The following TMC1 variants were observed in gnomAD, a reference collection of about 807,000 sequenced individuals.
TMC1 encodes the protein transmembrane channel like 1.
TMC1 carries 84 observed loss-of-function variants against 105.8 expected under a neutral mutation model. That is an observed-to-expected ratio of 0.79 (90% CI 0.67 to 0.95). TMC1 has a LOEUF of 0.95. Ranked by LOEUF, TMC1 falls within the 40% of genes least tolerant of loss-of-function variation. The probability of loss-of-function intolerance (pLI) is 0.00; values close to 1 mark genes in which losing one functional copy is unlikely to be tolerated. For synonymous variants in TMC1, 315 were observed against 311.5 expected (o/e 1.01, Z -0.12); for missense variants, 817 against 914.1 (o/e 0.89, Z 1.37).
At chr9:72,832,472 A>G (rs1829056562) in intron 23 of TMC1, among the ~76,000 whole-genome samples, 1 of 152,136 alleles carries the variant, frequency 6.6e-6, no homozygotes. Context: ...TCATGTATCC[A>G]TCCTTGTGCC....
chr9:72,708,014 A>G (rs1248934979), intron 8 of TMC1, among the ~76,000 whole-genome samples: 1 of 152,134 alleles, frequency 6.6e-6, no homozygotes, highest in Admixed American at 6.6e-5. Flanking sequence ...TGTTGAATGA[A>G]TAGGGTGTCT....
At chr9:72,749,917 G>T (rs376429623) in intron 10 of TMC1, among the ~76,000 whole-genome samples, 2 of 152,010 alleles carry the variant, frequency 1.3e-5, no homozygotes, top group South Asian at 4.2e-4. Flanking sequence ...GACTAGCCTG[G>T]CCAACATGGT....
intron 5 of TMC1, among the ~76,000 whole-genome samples, chr9:72,678,409 T>A (rs1252533653): frequency 6.6e-6 from 1 of 152,054 alleles, no homozygotes. Flanking sequence ...AGAATATGAG[T>A]TTCAGAATTC....
intron 8 of TMC1, among the ~76,000 whole-genome samples, chr9:72,724,225 T>C (rs1827078439): frequency 2.0e-5 from 3 of 152,204 alleles, no homozygotes; most frequent in African/African-American, 2.4e-5. Flanking sequence ...TTTATTGGGC[T>C]TATGGTTCTG....
intron 1 of TMC1, among the ~76,000 whole-genome samples, chr9:72,532,698 T>C (rs1385718418): frequency 6.6e-6 from 1 of 151,850 alleles, no homozygotes; most frequent in Non-Finnish European, 1.5e-5. Flanking sequence ...TTTGGGGCTG[T>C]GATGATTTTG....
At chr9:72,569,291 G>A (rs2080139617) in intron 1 of TMC1, among the ~76,000 whole-genome samples, 1 of 152,066 alleles carries the variant, frequency 6.6e-6, no homozygotes, top group Admixed American at 6.6e-5. Flanking sequence ...GTTCAGTACA[G>A]ATGCAACTTT....
At chr9:72,800,101 G>A (rs1249870367) in intron 17 of TMC1, among the ~76,000 whole-genome samples, 2 of 152,176 alleles carry the variant, frequency 1.3e-5, no homozygotes, top group East Asian at 1.9e-4. Context: ...ACTGTAAGAA[G>A]ATAAATTTGC....
At chr9:72,712,172 C>G (rs193164497) in intron 8 of TMC1, among the ~76,000 whole-genome samples, 10 of 152,216 alleles carry the variant, frequency 6.6e-5, no homozygotes, top group Middle Eastern at 3.4e-3. Context: ...GCTACTGTAG[C>G]CTTGTAGTAT....
At chr9:72,602,172 CTTG>C (rs908087625) in intron 2 of TMC1, among the ~76,000 whole-genome samples, 1 of 152,048 alleles carries the variant, frequency 6.6e-6, no homozygotes, top group Admixed American at 6.6e-5. Flanking sequence ...CTGGACCTTA[CTTG>C]TTGTAGCTCG....
At chr9:72,527,351 T>A (rs1008538223) in intron 1 of TMC1, among the ~76,000 whole-genome samples, 5 of 151,776 alleles carry the variant, frequency 3.3e-5, no homozygotes, top group Non-Finnish European at 5.9e-5. Flanking sequence ...GAAAAAAAAA[T>A]GCAAATTTCT....
At chr9:72,784,149 A>C (rs35435783) in intron 13 of TMC1, among the ~76,000 whole-genome samples, 17,364 of 152,176 alleles carry the variant, frequency 0.11, 1,546 homozygotes, top group East Asian at 0.38. Flanking sequence ...GAATGAGAAA[A>C]ATATTTGCAA....
At chr9:72,650,755 G>A (rs913877681) in intron 5 of TMC1, among the ~76,000 whole-genome samples, 1 of 150,786 alleles carries the variant, frequency 6.6e-6, no homozygotes, top group African/African-American at 2.4e-5. Context: ...CGTGGTATTT[G>A]GTTGTCTGTT....
intron 1 of TMC1, among the ~76,000 whole-genome samples, chr9:72,565,639 C>T (rs750373860): frequency 2.6e-5 from 4 of 151,960 alleles, no homozygotes; most frequent in Non-Finnish European, 4.4e-5. Context: ...TGAAGAAATG[C>T]CCGAGACGGT....
In TMC1 at chr9:72,826,863, C is replaced by T; in HGVS notation, c.2004-6C>T. ...AAACTTATCTCCCCCTTTTTAATTC[C>T]CCCAGTGGCAAAAATAGAATGTTTG... is the stretch of plus-strand genomic sequence containing the variant. On this transcript the variant is annotated splice_region_variant and splice_polypyrimidine_tract_variant and intron_variant, in intron 20 of 23. Transcript: ENST00000297784. 1 of 1,613,736 alleles carries T rather than the reference C, an allele frequency of 6.2e-7. No homozygotes were observed.
intron 10 of TMC1, among the ~76,000 whole-genome samples, chr9:72,747,567 T>C (rs1827509842): frequency 6.6e-6 from 1 of 152,088 alleles, no homozygotes; most frequent in South Asian, 2.1e-4. Flanking sequence ...TATCAGAGAC[T>C]CTGTTTTTTG....
intron 9 of TMC1, 129 bp from the exon 10 acceptor site, chr9:72,742,315 T>C: frequency 4.0e-6 from 3 of 756,130 alleles, no homozygotes; most frequent in Non-Finnish European, 7.0e-6. Flanking sequence ...CCCCTTTGAC[T>C]AGAAAGTAGT....
chr9:72,783,113 G>A lies in TMC1; in HGVS notation c.885-5226G>A, dbSNP rs554234480. On this transcript the variant is annotated intron_variant, in intron 13 of 23. Coordinates refer to ENST00000297784, the MANE Select transcript of TMC1 (RefSeq NM_138691.3). ...TGATAGAAAAACAGGCACATAGACCGTATTAGTCAGGGCTCTCTAGAGAGA... is the reference window on the plus strand; with the variant it reads ...TGATAGAAAAACAGGCACATAGACCATATTAGTCAGGGCTCTCTAGAGAGA... Among the ~76,000 whole-genome samples, 34 of 152,196 alleles carry A rather than the reference G, an allele frequency of 2.2e-4. No homozygotes were observed. In the Middle Eastern group the frequency reaches 0.01, roughly 46 times the overall value.
chr9:72,538,155 G>GAA (rs35243551), intron 1 of TMC1, among the ~76,000 whole-genome samples: 6 of 124,432 alleles, frequency 4.8e-5, no homozygotes, highest in Non-Finnish European at 6.7e-5. Context: ...GACCCTGTCT[G>GAA]AAAAAAAAAA....
At chr9:72,559,081 G>A (rs1281518756) in intron 1 of TMC1, among the ~76,000 whole-genome samples, 1 of 151,712 alleles carries the variant, frequency 6.6e-6, no homozygotes, top group Non-Finnish European at 1.5e-5. Flanking sequence ...GGTAAGAAAT[G>A]AGCCTGGAAG....
Sources: allele counts gnomAD v4.1 joint callset (sites outside exome capture counted in the v4.1 genomes callset), GRCh38; gene constraint gnomAD v4.1.1; transcripts MANE v1.5; gene names NCBI Gene and HGNC (gene_info 2026-07-23, HGNC 2026-07-21).